The following DENND4C variants were observed in gnomAD, a reference collection of about 807,000 sequenced individuals.
DENND4C encodes DENN domain-containing protein 4C.
Under a neutral mutation model 203.0 loss-of-function variants are expected in DENND4C, and 108 were observed. That is an observed-to-expected ratio of 0.53 (90% CI 0.46 to 0.62). The LOEUF is 0.62. Among genes scored for constraint, DENND4C ranks in the 20% least tolerant of loss-of-function variants. DENND4C has a pLI of 0.00. For missense variants in DENND4C, 2,481 were observed against 2,301.2 expected (o/e 1.08, Z -1.60); for synonymous variants, 871 against 792.4 (o/e 1.10, Z -1.67).
chr9:19,263,243 G>A (rs7033094), intron 1 of DENND4C, among the ~76,000 whole-genome samples: 8,223 of 152,188 alleles, frequency 0.054, 374 homozygotes, highest in African/African-American at 0.12. Flanking sequence ...CACATTGATC[G>A]ATTTGTTTAT....
At chr9:19,363,974 G>C (rs561839028) in intron 30 of DENND4C, among the ~76,000 whole-genome samples, 5 of 151,818 alleles carry the variant, frequency 3.3e-5, no homozygotes, top group African/African-American at 1.2e-4. Context: ...AGATTGCGCC[G>C]TTGCACTCCA....
At chr9:19,281,093 A>G (rs1164799233) in intron 2 of DENND4C, among the ~76,000 whole-genome samples, 1 of 152,078 alleles carries the variant, frequency 6.6e-6, no homozygotes, top group Non-Finnish European at 1.5e-5. Flanking sequence ...CCCCTCCCAT[A>G]CAGTCATGAC....
chr9:19,303,455 G>A (rs1035775368), intron 9 of DENND4C, among the ~76,000 whole-genome samples: 4 of 152,148 alleles, frequency 2.6e-5, no homozygotes, highest in Non-Finnish European at 5.9e-5. Flanking sequence ...ATGCATGACA[G>A]CAGAGTTAAA....
At chr9:19,360,121 T>G in intron 28 of DENND4C, 123 bp from the exon 29 acceptor site, 1 of 964,796 alleles carries the variant, frequency 1.0e-6, no homozygotes, top group Admixed American at 2.5e-5. Flanking sequence ...TTCTCTTGCA[T>G]GTAGCAATGG....
At chr9:19,309,755 T>G (rs1350115874) in intron 10 of DENND4C, among the ~76,000 whole-genome samples, 1 of 152,142 alleles carries the variant, frequency 6.6e-6, no homozygotes, top group Non-Finnish European at 1.5e-5. Context: ...TTTTTTTAAT[T>G]GATATCGTAA....
chr9:19,243,640 C>T (rs12552263), intron 1 of DENND4C, among the ~76,000 whole-genome samples: 11,630 of 152,176 alleles, frequency 0.076, 540 homozygotes, highest in South Asian at 0.17. Flanking sequence ...CCAGCTTCTT[C>T]GACTTAGCAT....
At chr9:19,339,644 C>T (rs1821178148) in intron 20 of DENND4C, among the ~76,000 whole-genome samples, 1 of 152,124 alleles carries the variant, frequency 6.6e-6, no homozygotes, top group South Asian at 2.1e-4. Flanking sequence ...TTTTTCCTCT[C>T]AGATGATAAG....
At chr9:19,231,977 G>GT (rs1244324246) in intron 1 of DENND4C, among the ~76,000 whole-genome samples, 1 of 152,132 alleles carries the variant, frequency 6.6e-6, no homozygotes, top group African/African-American at 2.4e-5. Flanking sequence ...GTGATAGTGT[G>GT]TATTACTCTA....
chr9:19,243,647 G>A (rs571785688), intron 1 of DENND4C, among the ~76,000 whole-genome samples: 1 of 152,050 alleles, frequency 6.6e-6, no homozygotes. Context: ...CTTCGACTTA[G>A]CATAATGCTT....
intron 23 of DENND4C, among the ~76,000 whole-genome samples, chr9:19,347,350 T>TG (rs528066846): frequency 1.6e-3 from 251 of 152,232 alleles, no homozygotes; most frequent in African/African-American, 6.0e-3. Flanking sequence ...AGGCTGGTCT[T>TG]GAACTCCTCA....
chr9:19,241,963 G>A (rs1463110824), intron 1 of DENND4C, among the ~76,000 whole-genome samples: 2 of 152,058 alleles, frequency 1.3e-5, no homozygotes, highest in East Asian at 3.9e-4. Context: ...ATCTGAGATG[G>A]GCGGATTGCT....
chr9:19,246,628 C>CTT (rs918591309), intron 1 of DENND4C, among the ~76,000 whole-genome samples: 2 of 142,996 alleles, frequency 1.4e-5, no homozygotes, highest in East Asian at 2.0e-4. Flanking sequence ...TTGCAGACCA[C>CTT]TTTTTTTTTT....
chr9:19,290,734 A>C lies in DENND4C; in HGVS notation c.659A>C (p.Tyr220Ser). ...GLIFRYPEED[Y>S]ESFPLSESDV... ...ATTTTTAGATATCCAGAAGAGGACT[A>C]TGAGTCATTTCCACTCTCAGAATCA... The change falls in exon 5 of 33, where the codon TAT becomes TCT. Residue 220 changes from tyrosine (Y) to serine (S), a missense_variant. Tyr to Ser is a moderately radical substitution (Grantham distance 144, BLOSUM62 -2). This residue lies in a region of DENND4C where 2,289 missense variants were observed against 2,113.3 expected (regional missense o/e 1.08). Transcript: ENST00000434457. 6.4e-7 allele frequency: 1 copy of C among 1,552,506 alleles called. No individual in the cohort carries two copies. The highest frequency in any genetic ancestry group is 8.7e-7 in the Non-Finnish European group (1 of 1,146,810).
At chr9:19,245,612 T>C (rs1245638312) in intron 1 of DENND4C, among the ~76,000 whole-genome samples, 1 of 152,028 alleles carries the variant, frequency 6.6e-6, no homozygotes, top group African/African-American at 2.4e-5. Context: ...ATCCCAGCAC[T>C]TTGGAAGGCC....
At position 19,357,976 on chromosome 9, in the gene DENND4C, A is replaced by G. The variant is rs1164882386; in HGVS notation, c.4976A>G (p.Lys1659Arg). Residue 1659 changes from lysine to arginine, a missense_variant, in exon 28 of 33, where the codon AAG becomes AGG. By Grantham distance (26) the Lys-to-Arg change is conservative. Around this residue, in one of 3 missense-constraint regions of DENND4C, gnomAD observed 2,289 missense variants for 2,113.3 expected, o/e 1.08. Coordinates refer to ENST00000434457, the MANE Select transcript of DENND4C (RefSeq NM_001330640.2). ...GSAVEPSDEI[K>R]RASGDVQTMK... ...TATTTATTTTTAAGTGATGAAATAA[A>G]GAGAGCCAGTGGAGATGTCCAAACT... 3.7e-6 allele frequency: 6 copies of G among 1,606,798 alleles called. No homozygotes were observed. In the South Asian group the frequency reaches 6.6e-5, roughly 18 times the overall value.
At chr9:19,324,155 TAAAA>T (rs201596120) in intron 12 of DENND4C, among the ~76,000 whole-genome samples, 1 of 147,646 alleles carries the variant, frequency 6.8e-6, no homozygotes, top group Non-Finnish European at 1.5e-5. Flanking sequence ...TTCAAAATCT[TAAAA>T]AAAAAAATCC....
At position 19,242,993 on chromosome 9, in the gene DENND4C, A is replaced by G. The variant is rs990214009; in HGVS notation, c.-18+12160A>G. Among the ~76,000 whole-genome samples the G allele has an allele frequency of 2.6e-5, 4 of 152,036 alleles. 1 individual carries two copies. Among genetic ancestry groups the G allele is most frequent in the African/African-American group, 9.7e-5 (4 of 41,400 alleles). On this transcript the variant is annotated intron_variant, in intron 1 of 32. Transcript: ENST00000434457. ...TTAAAGTTAGCTTTATTGAGATATA[A>G]TTTACACACCATAAAATTCACCAAT... is the stretch of plus-strand genomic sequence containing the variant.
chr9:19,370,536 T>G lies in DENND4C; in HGVS notation c.5675+549T>G, dbSNP rs1477577690. 2.0e-5 allele frequency among the ~76,000 whole-genome samples: 3 copies of G among 152,198 alleles called. No individual in the cohort carries two copies. In the East Asian group the frequency reaches 5.8e-4, roughly 29 times the overall value. ...AAAGTGTACTGTCTTTTGGAAACAT[T>G]ACTGCTGTTTGCTGGAAACCTATAA... On this transcript the variant is annotated intron_variant, in intron 31 of 32. Transcript: ENST00000434457.
rs116431436 is a variant in DENND4C at position 19,284,833 on chromosome 9, C to A, written c.306-1936C>A. 2.6e-3 allele frequency among the ~76,000 whole-genome samples: 390 copies of A among 152,076 alleles called. 1 individual carries two copies. Among genetic ancestry groups the A allele is most frequent in the African/African-American group, 9.2e-3 (383 of 41,506 alleles). ...TGTGAAATAAGTTGCCAAGTATTTTCTTCAGTCAACTTGTCTTTTATCTTG... is the reference window on the plus strand; with the variant it reads ...TGTGAAATAAGTTGCCAAGTATTTTATTCAGTCAACTTGTCTTTTATCTTG... On this transcript the variant is annotated intron_variant, in intron 2 of 32. Coordinates refer to ENST00000434457, the MANE Select transcript of DENND4C (RefSeq NM_001330640.2).
Sources: allele counts gnomAD v4.1 joint callset (sites outside exome capture counted in the v4.1 genomes callset), GRCh38; gene constraint gnomAD v4.1.1; regional missense constraint gnomAD v4.1.1; transcripts MANE v1.5; gene names NCBI Gene and HGNC (gene_info 2026-07-23, HGNC 2026-07-21).